The following NTM variants were observed in gnomAD, a reference collection of about 807,000 sequenced individuals.
The protein encoded by NTM is IgLON family member 2.
In NTM, 13 loss-of-function variants were observed where a neutral mutation model predicts 42.1. That is an observed-to-expected ratio of 0.31 (90% CI 0.20 to 0.49). The LOEUF is 0.49. Among genes scored for constraint, NTM ranks in the 20% least tolerant of loss-of-function variants. The pLI, the probability that NTM is intolerant of heterozygous loss-of-function variation, is 0.99. For missense variants in NTM, 373 were observed against 452.8 expected (o/e 0.82, Z 1.60); for synonymous variants, 187 against 179.2 (o/e 1.04, Z -0.35).
At chr11:131,387,650 T>C (rs1213095225) in intron 1 of NTM, among the ~76,000 whole-genome samples, 2 of 152,222 alleles carry the variant, frequency 1.3e-5, no homozygotes, top group Non-Finnish European at 2.9e-5. Flanking sequence ...CGTAGGACCA[T>C]TGTTTGAGGT....
chr11:132,210,996 T>C (rs1934482509), intron 3 of NTM, among the ~76,000 whole-genome samples: 2 of 152,144 alleles, frequency 1.3e-5, no homozygotes, highest in African/African-American at 2.4e-5. Flanking sequence ...TGAGGCTTAA[T>C]TTGATTCCCC....
intron 1 of NTM, among the ~76,000 whole-genome samples, chr11:131,716,288 C>T (rs796873): frequency 0.16 from 24,548 of 152,046 alleles, 2,083 homozygotes; most frequent in South Asian, 0.21. Context: ...AATACCATCA[C>T]CTTGAGAGTT....
At chr11:131,597,721 G>A (rs973054100) in intron 1 of NTM, among the ~76,000 whole-genome samples, 1 of 152,194 alleles carries the variant, frequency 6.6e-6, no homozygotes. Flanking sequence ...CAAATGGAGA[G>A]AACATTCAAT....
intron 1 of NTM, among the ~76,000 whole-genome samples, chr11:131,709,402 A>C (rs928070613): frequency 6.6e-6 from 1 of 152,222 alleles, no homozygotes; most frequent in African/African-American, 2.4e-5. Flanking sequence ...GCTATTTTGC[A>C]ATAATGCAAG....
At chr11:131,523,552 G>C (rs1340045836) in intron 1 of NTM, among the ~76,000 whole-genome samples, 7 of 152,130 alleles carry the variant, frequency 4.6e-5, no homozygotes, top group African/African-American at 1.7e-4. Flanking sequence ...ACTTTGGGAG[G>C]CCGAAGTGGG....
At chr11:132,288,152 G>T (rs2094320363) in intron 4 of NTM, among the ~76,000 whole-genome samples, 2 of 152,342 alleles carry the variant, frequency 1.3e-5, no homozygotes, top group South Asian at 4.1e-4. Context: ...ATGGATGGGG[G>T]AATAGCCTGG....
intron 1 of NTM, among the ~76,000 whole-genome samples, chr11:131,471,670 A>C (rs777596537): frequency 2.6e-5 from 4 of 152,208 alleles, no homozygotes; most frequent in Non-Finnish European, 4.4e-5. Flanking sequence ...GATTATGAGA[A>C]TATCTGCACA....
intron 2 of NTM, among the ~76,000 whole-genome samples, chr11:132,065,195 T>G (rs115622655): frequency 0.016 from 2,376 of 152,300 alleles, 68 homozygotes; most frequent in African/African-American, 0.054. Context: ...TTGTGACATT[T>G]CATGACCAGC....
At chr11:131,987,149 A>G (rs1157066352) in intron 2 of NTM, among the ~76,000 whole-genome samples, 14 of 152,210 alleles carry the variant, frequency 9.2e-5, no homozygotes, top group Non-Finnish European at 1.8e-4. Context: ...AAAGGCAGTT[A>G]TTTGTCTAAA....
At chr11:132,046,686 G>A (rs551094904) in intron 2 of NTM, among the ~76,000 whole-genome samples, 1 of 152,274 alleles carries the variant, frequency 6.6e-6, no homozygotes, top group African/African-American at 2.4e-5. Context: ...ACTCCCCTGT[G>A]TGCCTCATGT....
intron 2 of NTM, among the ~76,000 whole-genome samples, chr11:131,925,858 G>A (rs368224334): frequency 2.6e-5 from 4 of 152,178 alleles, no homozygotes; most frequent in African/African-American, 9.7e-5. Context: ...CAGGTGCCTC[G>A]ATTCCACCTT....
At chr11:132,166,249 A>G (rs1260329607) in intron 3 of NTM, among the ~76,000 whole-genome samples, 2 of 152,182 alleles carry the variant, frequency 1.3e-5, no homozygotes, top group Non-Finnish European at 2.9e-5. Flanking sequence ...GGTGTCATTT[A>G]CTAGACCTAT....
intron 1 of NTM, among the ~76,000 whole-genome samples, chr11:131,447,612 T>C (rs1021552493): frequency 6.6e-6 from 1 of 152,168 alleles, no homozygotes; most frequent in Non-Finnish European, 1.5e-5. Context: ...TTGTTTGTAT[T>C]TGTATTTGTT....
chr11:132,019,444 T>G (rs970713715), intron 2 of NTM, among the ~76,000 whole-genome samples: 4 of 152,120 alleles, frequency 2.6e-5, no homozygotes, highest in Admixed American at 6.5e-5. Flanking sequence ...ACTAGTCTAT[T>G]TTTTCTTTCA....
chr11:131,789,581 AAG>A (rs2090347282), intron 1 of NTM, among the ~76,000 whole-genome samples: 1 of 59,038 alleles, frequency 1.7e-5, no homozygotes, highest in Admixed American at 1.9e-4. Context: ...GAAGAAGAAG[AAG>A]AAGAAGAAGA....
chr11:131,624,874 G>T (rs2062948092), intron 1 of NTM, among the ~76,000 whole-genome samples: 1 of 152,174 alleles, frequency 6.6e-6, no homozygotes, highest in Non-Finnish European at 1.5e-5. Flanking sequence ...TGATGATCAG[G>T]CAGCCAGGAT....
chr11:132,067,812 G>T (rs2056748750), intron 2 of NTM, among the ~76,000 whole-genome samples: 1 of 152,148 alleles, frequency 6.6e-6, no homozygotes, highest in Non-Finnish European at 1.5e-5. Context: ...TTCATGAAGG[G>T]TAGCACATGT....
chr11:131,511,842 A>G (rs2048293189), intron 1 of NTM, among the ~76,000 whole-genome samples: 1 of 152,194 alleles, frequency 6.6e-6, no homozygotes, highest in Non-Finnish European at 1.5e-5. Context: ...TGTAACTGAA[A>G]GCACTTTGCA....
At chr11:131,774,511 A>T (rs2086649665) in intron 1 of NTM, among the ~76,000 whole-genome samples, 1 of 152,110 alleles carries the variant, frequency 6.6e-6, no homozygotes, top group Admixed American at 6.5e-5. Flanking sequence ...GTATCATTCC[A>T]CCTAGGTCAA....
Sources: gnomAD v4.1 joint callset for allele counts (sites outside exome capture counted in the v4.1 genomes callset) on GRCh38, gnomAD v4.1.1 for gene constraint, MANE v1.5 for transcripts, NCBI Gene and HGNC (gene_info 2026-07-23, HGNC 2026-07-21) for gene names.